The following CDH13 variants were observed in gnomAD, a reference collection of about 807,000 sequenced individuals.
The protein encoded by CDH13 is cadherin-13.
In CDH13, 24 loss-of-function variants were observed where a neutral mutation model predicts 63.8. That is an observed-to-expected ratio of 0.38 (90% confidence interval 0.27 to 0.53). The LOEUF is 0.53. Ranked by LOEUF, CDH13 falls within the 20% of genes least tolerant of loss-of-function variation. CDH13 has a pLI of 0.85. For synonymous variants in CDH13, 503 were observed against 355.3 expected (o/e 1.42, Z -4.67); for missense variants, 1,049 against 903.1 (o/e 1.16, Z -2.07).
Position 83,486,649 on chromosome 16 carries a change from C to T in CDH13, c.954C>T (p.Asp318=). ...IVTVVSPALL[D]RETLENPKYE... ...CTGTTGTGTCACCTGCGCTGCTGGA[C>T]CGAGAGGTGAGCTGAAAAGAATACA... Residue 318 remains aspartate, a synonymous_variant, in exon 7 of 14, where the codon GAC becomes GAT. Transcript: ENST00000567109. 6.2e-7 allele frequency: 1 copy of T among 1,613,384 alleles called. No homozygotes were observed.
chr16:83,251,480 G>A (rs531864778), intron 5 of CDH13, among the ~76,000 whole-genome samples: 1 of 152,148 alleles, frequency 6.6e-6, no homozygotes, highest in Non-Finnish European at 1.5e-5. Context: ...ATTCCAGATG[G>A]TCTGTCTCCA....
intron 6 of CDH13, among the ~76,000 whole-genome samples, chr16:83,361,901 C>G (rs1232395057): frequency 1.3e-5 from 2 of 151,994 alleles, no homozygotes; most frequent in African/African-American, 2.4e-5. Flanking sequence ...ATTGCTTTGG[C>G]TATTTGGGGT....
chr16:83,483,974 C>T (rs572218844), intron 6 of CDH13, among the ~76,000 whole-genome samples: 9 of 152,262 alleles, frequency 5.9e-5, no homozygotes, highest in Non-Finnish European at 1.0e-4. Flanking sequence ...TTTTCTGAAG[C>T]TGAACCTTGA....
chr16:82,996,304 T>A (rs534347202), intron 2 of CDH13, among the ~76,000 whole-genome samples: 1 of 152,250 alleles, frequency 6.6e-6, no homozygotes, highest in African/African-American at 2.4e-5. Flanking sequence ...CCCAGTGGCC[T>A]CTACCCCATG....
intron 4 of CDH13, among the ~76,000 whole-genome samples, chr16:83,200,980 A>T (rs549396272): frequency 1.4e-3 from 192 of 137,504 alleles, no homozygotes; most frequent in African/African-American, 4.6e-3. Context: ...TGTTATTGGG[A>T]TCTTTTAACT....
intron 7 of CDH13, among the ~76,000 whole-genome samples, chr16:83,526,935 C>T (rs1480106822): frequency 6.6e-6 from 1 of 152,068 alleles, no homozygotes; most frequent in East Asian, 1.9e-4. Context: ...AGTTTGAGAC[C>T]AGCCTGGCCA....
chr16:82,724,972 A>G lies in CDH13; in HGVS notation c.45+97835A>G, dbSNP rs535740415. The stretch of plus-strand genomic sequence containing the variant: ...TAAAGGGTAGTTTTAAAGATTAAAT[A>G]AGATGGCTTCTTAAGGATTAACTGA... On this transcript the variant is annotated intron_variant, in intron 1 of 13. Transcript: ENST00000567109. 5.9e-5 allele frequency among the ~76,000 whole-genome samples: 9 copies of G among 152,362 alleles called. No individual in the cohort carries two copies. In the South Asian group the frequency reaches 1.9e-3, roughly 32 times the overall value.
intron 3 of CDH13, among the ~76,000 whole-genome samples, chr16:83,073,972 T>G (rs1022680147): frequency 1.6e-4 from 25 of 152,196 alleles, no homozygotes; most frequent in Admixed American, 5.2e-4. Flanking sequence ...CACAATCATT[T>G]ATCATTTCTA....
intron 10 of CDH13, among the ~76,000 whole-genome samples, chr16:83,686,110 C>G (rs1904310072): frequency 6.6e-6 from 1 of 152,218 alleles, no homozygotes; most frequent in Non-Finnish European, 1.5e-5. Flanking sequence ...GGAAAGCACA[C>G]AAGCAGGGTT....
chr16:83,116,249 C>T lies in CDH13; in HGVS notation c.367-9136C>T, dbSNP rs118089094. On this transcript the variant is annotated intron_variant, in intron 3 of 13. Coordinates refer to ENST00000567109, the MANE Select transcript of CDH13 (RefSeq NM_001257.5). ...TTGGCAGGTGTCAGAGGTTGGCTCC[C>T]GGGAAATAGACCACGCAACCGGGGA... Among the ~76,000 whole-genome samples, 37 of 152,206 alleles carry T rather than the reference C, an allele frequency of 2.4e-4. No homozygotes were observed. The East Asian group carries it at 6.8e-3, about 28-fold the overall frequency.
At chr16:82,934,044 C>G (rs962923570) in intron 2 of CDH13, among the ~76,000 whole-genome samples, 1 of 152,234 alleles carries the variant, frequency 6.6e-6, no homozygotes, top group Non-Finnish European at 1.5e-5. Context: ...TGGCCCTTTT[C>G]TCACAGCTCA....
At chr16:82,752,379 C>T (rs1169971127) in intron 1 of CDH13, among the ~76,000 whole-genome samples, 1 of 152,138 alleles carries the variant, frequency 6.6e-6, no homozygotes, top group African/African-American at 2.4e-5. Flanking sequence ...CTTGTGCTGA[C>T]TCTGTCCCCT....
chr16:82,850,410 A>G (rs2039434813), intron 1 of CDH13, among the ~76,000 whole-genome samples: 1 of 152,238 alleles, frequency 6.6e-6, no homozygotes, highest in Non-Finnish European at 1.5e-5. Context: ...CAAGCTCATG[A>G]TAAAAATGTG....
chr16:82,759,833 C>T (rs188453839), intron 1 of CDH13, among the ~76,000 whole-genome samples: 124 of 152,026 alleles, frequency 8.2e-4, no homozygotes, highest in African/African-American at 2.6e-3. Flanking sequence ...CCTATCCTGA[C>T]GCACTGCGCC....
chr16:83,776,152 T>C (rs1424916463), intron 11 of CDH13, among the ~76,000 whole-genome samples: 2 of 152,032 alleles, frequency 1.3e-5, no homozygotes, highest in Non-Finnish European at 2.9e-5. Context: ...GAATAACACA[T>C]AGGAAATTGA....
chr16:83,048,786 C>T lies in CDH13; in HGVS notation c.366+16568C>T, dbSNP rs61294593. Among the ~76,000 whole-genome samples, 3 of 152,212 alleles carry T rather than the reference C, an allele frequency of 2.0e-5. No homozygotes were observed. The East Asian group carries it at 5.8e-4, about 29-fold the overall frequency. On this transcript the variant is annotated intron_variant, in intron 3 of 13. Transcript: ENST00000567109. ...CTCACACTCTTACATCTTAAATTTT[C>T]CCTCCTCTGTGAATCCTCCCCCAGC...
At chr16:83,456,922 A>T (rs569161243) in intron 6 of CDH13, among the ~76,000 whole-genome samples, 12 of 152,310 alleles carry the variant, frequency 7.9e-5, no homozygotes, top group Non-Finnish European at 1.6e-4. Flanking sequence ...AGAAGATGCC[A>T]CTGCACTCCA....
intron 5 of CDH13, among the ~76,000 whole-genome samples, chr16:83,277,145 T>C (rs2089016874): frequency 6.6e-6 from 1 of 152,096 alleles, no homozygotes; most frequent in Non-Finnish European, 1.5e-5. Context: ...ACTCAATAAA[T>C]ACTGGATAGG....
intron 8 of CDH13, among the ~76,000 whole-genome samples, chr16:83,636,286 T>C (rs974808683): frequency 6.6e-6 from 1 of 152,232 alleles, no homozygotes; most frequent in Non-Finnish European, 1.5e-5. Context: ...CAAAAGTATT[T>C]CAGAAAACAT....
Sources: allele counts gnomAD v4.1 joint callset (sites outside exome capture counted in the v4.1 genomes callset), GRCh38; gene constraint gnomAD v4.1.1; transcripts MANE v1.5; gene names NCBI Gene and HGNC (gene_info 2026-07-23, HGNC 2026-07-21).